RBFOX1: variants seen among roughly 807,000 people sequenced by gnomAD.
The protein encoded by RBFOX1 is RNA binding protein fox-1 homolog 1.
A neutral mutation model predicts 57.7 loss-of-function variants in RBFOX1; 8 were observed. That is an observed-to-expected ratio of 0.14 (90% CI 0.08 to 0.25). The LOEUF (loss-of-function observed/expected upper bound fraction) is 0.25, where lower values mean the gene tolerates loss of function less well. Ranked by LOEUF, RBFOX1 falls within the 10% of genes least tolerant of loss-of-function variation. RBFOX1 has a pLI of 1.00. For synonymous variants in RBFOX1, 326 were observed against 222.4 expected (o/e 1.47, Z -4.15); for missense variants, 611 against 548.5 (o/e 1.11, Z -1.14).
chr16:7,227,262 C>A (rs1318452154), intron 4 of RBFOX1, among the ~76,000 whole-genome samples: 2 of 150,260 alleles, frequency 1.3e-5, no homozygotes, highest in African/African-American at 2.4e-5. Flanking sequence ...TCTGTTCTCA[C>A]TGTCACATAC....
intron 4 of RBFOX1, among the ~76,000 whole-genome samples, chr16:5,899,375 A>G (rs761025100): frequency 2.6e-5 from 4 of 152,176 alleles, no homozygotes; most frequent in Non-Finnish European, 5.9e-5. Context: ...GACCTGGTCC[A>G]TTGAGTCAGG....
At chr16:5,434,317 C>CTTTTTTTTT (rs5815245) in intron 1 of RBFOX1, among the ~76,000 whole-genome samples, 1,768 of 79,546 alleles carry the variant, frequency 0.022, 172 homozygotes, top group Non-Finnish European at 0.028. Flanking sequence ...TGCTGAAGTC[C>CTTTTTTTTT]TTTTTTTTTT....
intron 4 of RBFOX1, among the ~76,000 whole-genome samples, chr16:7,326,379 G>A (rs372368809): frequency 2.0e-4 from 30 of 152,264 alleles, no homozygotes; most frequent in African/African-American, 7.0e-4. Flanking sequence ...CTTGTGGAAG[G>A]ATGGGATGTA....
At chr16:5,742,189 TTCCTTCCTCCAG>T (rs2052791477) in intron 3 of RBFOX1, among the ~76,000 whole-genome samples, 3 of 151,920 alleles carry the variant, frequency 2.0e-5, no homozygotes, top group Admixed American at 2.0e-4. Flanking sequence ...CGTCCTTCCC[TTCCTTCCTCCAG>T]TCCTTCCTCC....
At position 7,306,605 on chromosome 16, in the gene RBFOX1, A is replaced by T. The variant is rs200060011; in HGVS notation, c.28-211542A>T. Among the ~76,000 whole-genome samples the T allele has an allele frequency of 9.3e-5, 11 of 118,348 alleles. No homozygotes were observed. The South Asian group carries it at 1.8e-3, about 19-fold the overall frequency. 77.6% of individuals were successfully genotyped at this position (118,348 alleles called of 152,430 possible). On this transcript the variant is annotated intron_variant, in intron 4 of 15. Coordinates refer to ENST00000550418, the MANE Select transcript of RBFOX1 (RefSeq NM_018723.4). ...CGTGTGTGTGTGTGTGTGTGTGTGT[A>T]TTTTCTCTGAGCTTCACTGAATACC...
intron 2 of RBFOX1, chr16:6,483,596 G>A (rs1399562251): frequency 6.5e-6 from 10 of 1,532,604 alleles, no homozygotes; most frequent in African/African-American, 1.4e-5. Flanking sequence ...GAGAGAAAGA[G>A]GGAGAGAGGG....
intron 3 of RBFOX1, among the ~76,000 whole-genome samples, chr16:5,606,444 C>T (rs893801032): frequency 6.6e-6 from 1 of 152,008 alleles, no homozygotes; most frequent in Non-Finnish European, 1.5e-5. Context: ...ATGCCCTCCA[C>T]CCTCATTCCT....
chr16:6,764,038 A>G (rs1167199214), intron 3 of RBFOX1, among the ~76,000 whole-genome samples: 1 of 152,176 alleles, frequency 6.6e-6, no homozygotes, highest in African/African-American at 2.4e-5. Flanking sequence ...GCTGTGAAGG[A>G]TGATAAACTG....
intron 4 of RBFOX1, among the ~76,000 whole-genome samples, chr16:5,977,996 C>T (rs879560843): frequency 6.6e-6 from 1 of 151,800 alleles, no homozygotes; most frequent in African/African-American, 2.4e-5. Context: ...CTTCCTCTTT[C>T]TCATATGTGA....
At chr16:6,803,111 A>C (rs1467875797) in intron 3 of RBFOX1, among the ~76,000 whole-genome samples, 3 of 152,080 alleles carry the variant, frequency 2.0e-5, no homozygotes, top group Non-Finnish European at 4.4e-5. Flanking sequence ...GCAGACTCAA[A>C]ACCTCTGAGC....
chr16:6,131,062 C>CT (rs1168594074), intron 1 of RBFOX1, among the ~76,000 whole-genome samples: 3 of 152,112 alleles, frequency 2.0e-5, no homozygotes, highest in African/African-American at 7.2e-5. Flanking sequence ...CATGCATACT[C>CT]TATGTTTCCA....
At chr16:5,609,029 T>C (rs1449199739) in intron 3 of RBFOX1, among the ~76,000 whole-genome samples, 1 of 152,204 alleles carries the variant, frequency 6.6e-6, no homozygotes, top group Non-Finnish European at 1.5e-5. Flanking sequence ...CACACATAGC[T>C]TTTAATCAAG....
chr16:6,757,976 G>C (rs1169446759), intron 3 of RBFOX1, among the ~76,000 whole-genome samples: 2 of 152,084 alleles, frequency 1.3e-5, no homozygotes, highest in African/African-American at 4.8e-5. Context: ...AGGTTTTGTT[G>C]GTTGTTTTTA....
At chr16:6,933,893 A>G (rs2076955361) in intron 3 of RBFOX1, among the ~76,000 whole-genome samples, 1 of 152,224 alleles carries the variant, frequency 6.6e-6, no homozygotes, top group Non-Finnish European at 1.5e-5. Context: ...AAACAAAGTT[A>G]TTGAACAACA....
intron 2 of RBFOX1, among the ~76,000 whole-genome samples, chr16:6,351,411 T>G (rs1190368736): frequency 1.4e-4 from 21 of 146,500 alleles, no homozygotes; most frequent in African/African-American, 5.3e-4. Context: ...TTTGCTCTTG[T>G]TGCCCAGGCT....
chr16:6,835,899 G>C (rs960019169), intron 3 of RBFOX1, among the ~76,000 whole-genome samples: 1 of 151,846 alleles, frequency 6.6e-6, no homozygotes, highest in African/African-American at 2.4e-5. Context: ...GGTTGCCAAA[G>C]AAAGAGAGGA....
rs111506745 is a variant in RBFOX1 at position 5,383,283 on chromosome 16, G to A, written c.220-83933G>A. 1.6e-3 allele frequency among the ~76,000 whole-genome samples: 244 copies of A among 152,292 alleles called. 3 individuals carry two copies. Among genetic ancestry groups the A allele is most frequent in the African/African-American group, 5.5e-3 (229 of 41,566 alleles). On this transcript the variant is annotated intron_variant, in intron 1 of 2. Transcript: ENST00000585867. ...GTATAAGTGGCGCCCACTGGTGTGG[G>A]GAAAAGGTGGGCTGTGGGTCTGCCA...
chr16:6,317,201 G>T (rs1402377976), intron 2 of RBFOX1, 144 bp downstream of exon 2: 6 of 745,060 alleles, frequency 8.1e-6, no homozygotes, highest in African/African-American at 5.3e-5. Flanking sequence ...CTGCCCTATT[G>T]TATCAGAGAT....
At chr16:6,161,365 G>T (rs551784630) in intron 1 of RBFOX1, among the ~76,000 whole-genome samples, 38 of 151,370 alleles carry the variant, frequency 2.5e-4, no homozygotes, top group African/African-American at 9.3e-4. Context: ...CTCCAGCCTG[G>T]GCGATAGAGT....
Sources: allele counts gnomAD v4.1 joint callset (sites outside exome capture counted in the v4.1 genomes callset), GRCh38; gene constraint gnomAD v4.1.1; transcripts MANE v1.5; gene names NCBI Gene and HGNC (gene_info 2026-07-23, HGNC 2026-07-21).